Variants in ZNF75A observed in about 807,000 individuals in gnomAD.
ZNF75A encodes zinc finger protein 75A.
A neutral mutation model predicts 46.3 loss-of-function variants in ZNF75A; 36 were observed. The ratio of observed to expected loss-of-function variants is 0.78; its 90% CI spans 0.60 to 1.03. The LOEUF (loss-of-function observed/expected upper bound fraction) is 1.03. ZNF75A is among the 50% of genes least tolerant of loss of function. The probability of loss-of-function intolerance (pLI) is 0.00; values close to 1 mark genes in which losing one functional copy is unlikely to be tolerated. For missense variants in ZNF75A, 595 were observed against 551.3 expected (o/e 1.08, Z -0.79); for synonymous variants, 234 against 189.9 (o/e 1.23, Z -1.91).
At chr16:3,305,847 G>C (rs894523890) in intron 1 of ZNF75A, 2 of 152,260 alleles carry the variant, frequency 1.3e-5, no homozygotes, top group African/African-American at 4.8e-5. Flanking sequence ...CGCGGCTGAA[G>C]CTCGCTGGGA....
At chr16:3,306,346 A>T (rs1313907671) in intron 1 of ZNF75A, 2 of 152,224 alleles carry the variant, frequency 1.3e-5, no homozygotes, top group Non-Finnish European at 2.9e-5. Flanking sequence ...TAAATAAAAT[A>T]TCCTTTTTTA....
intron 4 of ZNF75A, 47 bp downstream of exon 4, chr16:3,312,815 T>C: frequency 2.6e-6 from 3 of 1,143,084 alleles, no homozygotes; most frequent in Non-Finnish European, 1.1e-6. Flanking sequence ...CTCTGCTATG[T>C]ATGATTAATA....
intron 5 of ZNF75A, chr16:3,314,981 C>G: frequency 1.0e-5 from 10 of 985,348 alleles, no homozygotes; most frequent in Non-Finnish European, 1.2e-5. Flanking sequence ...GGTTGATTCT[C>G]AACTAGATAG....
intron 5 of ZNF75A, 24 bp from the exon 6 acceptor site, chr16:3,316,888 G>T: frequency 6.5e-7 from 1 of 1,547,938 alleles, no homozygotes; most frequent in Non-Finnish European, 8.9e-7. Context: ...ACCAGTCCTT[G>T]ACCTCATTTT....
In ZNF75A at chr16:3,311,849, G is replaced by T; in HGVS notation, c.505G>T (p.Gly169Cys). 1 of 1,040,926 alleles carries T rather than the reference G, an allele frequency of 9.6e-7. No homozygotes were observed. The highest frequency in any genetic ancestry group is 1.2e-6 in the Non-Finnish European group (1 of 858,428). 64.5% of individuals were successfully genotyped at this position (1,040,926 alleles called of 1,614,324 possible). ...GLKPTESQPV[G>C]VSQDEEFWNT... Reference sequence around the variant, plus strand: ...GAAGCCAACAGAGTCCCAACCAGTGGGCGTATCCCAAGATGAAGAATTTTG... The same window carrying T: ...GAAGCCAACAGAGTCCCAACCAGTGTGCGTATCCCAAGATGAAGAATTTTG... Residue 169 changes from glycine to cysteine, a missense_variant, in exon 3 of 7, where the codon GGC becomes TGC. Gly to Cys is a radical substitution (Grantham distance 159). Transcript: ENST00000669516.
At chr16:3,314,073 A>G (rs1054394893) in intron 5 of ZNF75A, among the ~76,000 whole-genome samples, 1 of 152,256 alleles carries the variant, frequency 6.6e-6, no homozygotes, top group African/African-American at 2.4e-5. Context: ...CTATATATAT[A>G]TATCTTTTTA....
rs896429183 is a variant in ZNF75A, at chr16:3,311,866, A to T, written c.522A>T (p.Glu174Asp). 2.9e-6 allele frequency: 3 copies of T among 1,026,710 alleles called. No individual in the cohort carries two copies. Among genetic ancestry groups the T allele is most frequent in the Non-Finnish European group, 3.5e-6 (3 of 851,012 alleles). 63.6% of individuals were successfully genotyped at this position (1,026,710 alleles called of 1,614,324 possible). A position where few individuals can be genotyped will look rare whatever the true frequency, so the allele number is the denominator to read the frequency against. ...ESQPVGVSQD[E>D]EFWNTYEGLQ... ...AACCAGTGGGCGTATCCCAAGATGA[A>T]GAATTTTGGAATACATACGAGGGTC... The change falls in exon 3 of 7, where the codon GAA becomes GAT. Residue 174 changes from glutamate (E) to aspartate (D), a missense_variant. Glu to Asp is a conservative substitution (Grantham distance 45). Coordinates refer to ENST00000669516, the MANE Select transcript of ZNF75A (RefSeq NM_001302109.2).
At chr16:3,322,398 T>C (rs1307691809), downstream of ZNF75A, among the ~76,000 whole-genome samples, 2 of 152,194 alleles carry the variant, frequency 1.3e-5, no homozygotes, top group African/African-American at 4.8e-5. Flanking sequence ...TGGGCAATGG[T>C]AGTTGGGCTG....
At chr16:3,320,082 G>C (rs1368906875), downstream of ZNF75A, among the ~76,000 whole-genome samples, 1 of 151,426 alleles carries the variant, frequency 6.6e-6, no homozygotes, top group East Asian at 1.9e-4. Flanking sequence ...GTCTCGCTCT[G>C]TTGCCCAGGC....
In ZNF75A at chr16:3,308,576, C is replaced by T; in HGVS notation, c.148C>T (p.His50Tyr). 2 of 985,944 alleles carry T rather than the reference C, an allele frequency of 2.0e-6. No individual in the cohort carries two copies. Among genetic ancestry groups the T allele is most frequent in the Non-Finnish European group, 2.4e-6 (2 of 829,992 alleles). The allele number at this position is 985,944 out of a possible 1,614,324, so 61.1% of individuals were successfully genotyped here. The change falls in exon 2 of 7, where the codon CAC becomes TAC. Residue 50 changes from histidine to tyrosine, a missense_variant. By Grantham distance (83) the His-to-Tyr change is moderately conservative. Transcript: ENST00000669516. ...TCTCGATCCTAAGAGCTCTTGCTGG[C>T]ACTTCCGGAATTTCACCTATGATGA... is the stretch of plus-strand genomic sequence containing the variant. ...DCLDPKSSCW[H>Y]FRNFTYDEAG...
chr16:3,322,125 T>C (rs2029966880), downstream of ZNF75A, among the ~76,000 whole-genome samples: 1 of 152,116 alleles, frequency 6.6e-6, no homozygotes, highest in Non-Finnish European at 1.5e-5. Flanking sequence ...CTCCCCACAT[T>C]CTCTGTGGAC....
Position 3,317,062 on chromosome 16 carries a change from T to C in ZNF75A, c.934+40T>C, listed in dbSNP as rs572144964. 6.4e-5 allele frequency: 100 copies of C among 1,571,766 alleles called. 1 individual carries two copies. The South Asian group carries it at 1.1e-3, about 18-fold the overall frequency. ...GGAAGTGGAGAAATGTGCCTTGATG[T>C]GAACTTTTGCAAGGGCTTAACATTT... On this transcript the variant is annotated intron_variant, in intron 6 of 6. Transcript: ENST00000669516.
At chr16:3,311,009 G>C in intron 2 of ZNF75A, 2 of 908,196 alleles carry the variant, frequency 2.2e-6, no homozygotes, top group African/African-American at 1.8e-5. Context: ...ACCTTCGCTG[G>C]CTATAGGGAT....
At chr16:3,321,867 T>A (rs565793803), downstream of ZNF75A, among the ~76,000 whole-genome samples, 1 of 152,252 alleles carries the variant, frequency 6.6e-6, no homozygotes, top group Non-Finnish European at 1.5e-5. Flanking sequence ...CTTTTGGAAC[T>A]ACTGAGAACA....
intron 2 of ZNF75A, among the ~76,000 whole-genome samples, chr16:3,309,796 A>G (rs58462852): frequency 6.6e-6 from 1 of 151,778 alleles, no homozygotes; most frequent in Admixed American, 6.5e-5. Context: ...ACACAGGAAA[A>G]CAAGGACACT....
downstream of ZNF75A, chr16:3,323,391 TC>T: frequency 1.2e-6 from 1 of 849,928 alleles, no homozygotes; most frequent in Non-Finnish European, 2.0e-6. Context: ...ACACCAAACT[TC>T]CCCAGGTGCT....
chr16:3,321,094 C>T (rs1241779079), downstream of ZNF75A, among the ~76,000 whole-genome samples: 1 of 152,132 alleles, frequency 6.6e-6, no homozygotes, highest in African/African-American at 2.4e-5. Flanking sequence ...GATTGGATTA[C>T]TAAAATGATA....
At position 3,318,438 on chromosome 16, in the gene ZNF75A, T is replaced by C. The variant is rs1243918714; in HGVS notation, c.*569T>C. 3.0e-6 allele frequency: 3 copies of C among 985,678 alleles called. No homozygotes were observed. The highest frequency in any genetic ancestry group is 3.6e-6 in the Non-Finnish European group (3 of 830,136). The allele number at this position is 985,678 out of a possible 1,614,324, so 61.1% of individuals were successfully genotyped here. On this transcript the variant is annotated 3_prime_UTR_variant, in exon 7 of 7. Coordinates refer to ENST00000669516, the MANE Select transcript of ZNF75A (RefSeq NM_001302109.2). ...CAGATGAACTATTAATGCACTGTCTTATGCCTCTCATTGGTGATGTTTGGA... is the reference window on the plus strand; with the variant it reads ...CAGATGAACTATTAATGCACTGTCTCATGCCTCTCATTGGTGATGTTTGGA...
downstream of ZNF75A, among the ~76,000 whole-genome samples, chr16:3,320,067 A>G (rs1030161137): frequency 1.5e-4 from 22 of 150,694 alleles, no homozygotes; most frequent in Non-Finnish European, 2.5e-4. Flanking sequence ...TTTTCTTGAG[A>G]CGGAGTCTCG....
Sources: gnomAD v4.1 joint callset for allele counts (sites outside exome capture counted in the v4.1 genomes callset) on GRCh38, gnomAD v4.1.1 for gene constraint, MANE v1.5 for transcripts, NCBI Gene and HGNC (gene_info 2026-07-23, HGNC 2026-07-21) for gene names.